The following CACNA1B variants were observed in gnomAD, a reference collection of about 807,000 sequenced individuals.
CACNA1B encodes the protein voltage-dependent N-type calcium channel subunit alpha-1B.
In CACNA1B, 70 loss-of-function variants were observed where a neutral mutation model predicts 247.2. The ratio of observed to expected loss-of-function variants is 0.28; its 90% CI spans 0.23 to 0.35. The LOEUF is 0.35. Among genes scored for constraint, CACNA1B ranks in the 10% least tolerant of loss-of-function variants. The pLI is 1.00. For synonymous variants in CACNA1B, 1,231 were observed against 1,294.4 expected, an observed-to-expected ratio of 0.95 and a Z score of 1.05; for missense variants, 2,367 against 3,197.4, an observed-to-expected ratio of 0.74 and a Z score of 6.26.
At chr9:137,978,595 AG>A (rs1240283523) in intron 12 of CACNA1B, among the ~76,000 whole-genome samples, 2 of 152,226 alleles carry the variant, frequency 1.3e-5, no homozygotes, top group Non-Finnish European at 2.9e-5. Context: ...CAGAGTTTAC[AG>A]GAGCCAGAGA....
At chr9:138,104,285 G>A (rs1961350766) in intron 38 of CACNA1B, among the ~76,000 whole-genome samples, 2 of 152,210 alleles carry the variant, frequency 1.3e-5, no homozygotes, top group Admixed American at 1.3e-4. Context: ...GTGGGCTGAT[G>A]GCACCCCTGG....
chr9:138,048,054 T>C (rs760236499), intron 23 of CACNA1B, among the ~76,000 whole-genome samples: 1 of 152,160 alleles, frequency 6.6e-6, no homozygotes, highest in Non-Finnish European at 1.5e-5. Flanking sequence ...TCCGTGCAGC[T>C]TAGGGTATGT....
At chr9:138,085,530 C>T (rs1449120816) in intron 36 of CACNA1B, among the ~76,000 whole-genome samples, 1 of 151,100 alleles carries the variant, frequency 6.6e-6, no homozygotes, top group Non-Finnish European at 1.5e-5. Context: ...ATCCAAGAAG[C>T]TCAACAGTCC....
rs909648547 is a variant in CACNA1B, at chr9:137,974,042, C to T, written c.1544-1865C>T. On this transcript the variant is annotated intron_variant, in intron 11 of 46. Coordinates refer to ENST00000371372, the MANE Select transcript of CACNA1B (RefSeq NM_000718.4). The surrounding 1 kb of genome is among the most constrained non-coding windows in gnomAD (Gnocchi z 4.5). ...GTCCGAGCCCCTCGTGTGGGGAGCC[C>T]GAGGCCTTTGTGACCCACGCAGAGG... Among the ~76,000 whole-genome samples, 5 of 152,128 alleles carry T rather than the reference C, an allele frequency of 3.3e-5. No homozygotes were observed. Among genetic ancestry groups the T allele is most frequent in the South Asian group, 2.1e-4 (1 of 4,826 alleles).
Position 138,046,573 on chromosome 9 carries a change from G to T in CACNA1B, c.3414-331G>T, listed in dbSNP as rs1959187507. ...GTTGGCTGCATGGACAGTTGGTAGT[G>T]AATGGATGTAGCTGTACTCCAGTGA... On this transcript the variant is annotated intron_variant, in intron 21 of 46. Coordinates refer to ENST00000371372, the MANE Select transcript of CACNA1B (RefSeq NM_000718.4). Among the ~76,000 whole-genome samples the T allele has an allele frequency of 2.0e-5, 3 of 152,252 alleles. No individual in the cohort carries two copies. In the South Asian group the frequency reaches 6.2e-4, roughly 31 times the overall value.
In CACNA1B at chr9:138,050,232, C is replaced by G; in HGVS notation, c.3710+917C>G. 1 of 544,894 alleles carries G rather than the reference C, an allele frequency of 1.8e-6. No individual in the cohort carries two copies. Among genetic ancestry groups the G allele is most frequent in the South Asian group, 1.6e-5 (1 of 62,398 alleles). 33.8% of individuals were successfully genotyped at this position (544,894 alleles called of 1,614,324 possible). The stretch of plus-strand genomic sequence containing the variant: ...ATGCTGCCGGGAGCCAAGTCCCCGG[C>G]CAGGGGTTCCTGCCATGCCTCTGGG... On this transcript the variant is annotated intron_variant, in intron 24 of 46. Transcript: ENST00000371372. The surrounding 1 kb of genome is among the most constrained non-coding windows in gnomAD (Gnocchi z 5.2).
At chr9:138,107,979 T>G (rs1470961822) in intron 39 of CACNA1B, among the ~76,000 whole-genome samples, 2 of 147,190 alleles carry the variant, frequency 1.4e-5, no homozygotes, top group Non-Finnish European at 3.0e-5. Flanking sequence ...AGTGAGACTC[T>G]GTCTCAAAAA....
intron 19 of CACNA1B, among the ~76,000 whole-genome samples, 196 bp downstream of exon 19, chr9:138,024,007 C>G (rs1375187371): frequency 6.6e-6 from 1 of 152,160 alleles, no homozygotes; most frequent in Non-Finnish European, 1.5e-5. Context: ...CAGGGTTGAC[C>G]TGTAAAAGGC....
chr9:137,986,299 G>T lies in CACNA1B; in HGVS notation c.1770-114G>T, dbSNP rs902302719. On this transcript the variant is annotated intron_variant, in intron 13 of 46. Transcript: ENST00000371372. This position sits in a 1 kb window ranked among gnomAD's most constrained non-coding sequence, Gnocchi z 6.0. ...AGAAAAGCTCTAACTTCACACCTAG[G>T]TGTGCAGCCCTCAGGGTTTAGAAAG... 2.6e-6 allele frequency: 3 copies of T among 1,139,142 alleles called. No individual in the cohort carries two copies. Among genetic ancestry groups the T allele is most frequent in the African/African-American group, 1.5e-5 (1 of 64,914 alleles). The allele number at this position is 1,139,142 out of a possible 1,614,324, so 70.6% of individuals were successfully genotyped here.
rs1018706593 is a variant in CACNA1B at position 138,051,036 on chromosome 9, G to A, written c.3711-1056G>A. Among the ~76,000 whole-genome samples the A allele has an allele frequency of 2.0e-5, 3 of 152,134 alleles. No individual in the cohort carries two copies. The highest frequency in any genetic ancestry group is 1.3e-4 in the Admixed American group (2 of 15,278). On this transcript the variant is annotated intron_variant, in intron 24 of 46. Transcript: ENST00000371372. This position sits in a 1 kb window ranked among gnomAD's most constrained non-coding sequence, Gnocchi z 4.3. ...CCTTCCCCAGGGAGCGTGGTGGGAC[G>A]TGGCCTCTGAGCAGGGTGGGAAGGG...
Position 137,973,060 on chromosome 9 carries a change from G to A in CACNA1B, c.1543+1468G>A, listed in dbSNP as rs771660224. ...CCAGTGACTAGGCCTGTTCTTCCCC[G>A]TGAGAGGCTGTTGGTGTGCAGTGAG... On this transcript the variant is annotated intron_variant, in intron 11 of 46. Coordinates refer to ENST00000371372, the MANE Select transcript of CACNA1B (RefSeq NM_000718.4). The surrounding 1 kb of genome is among the most constrained non-coding windows in gnomAD (Gnocchi z 4.1). 1.3e-5 allele frequency among the ~76,000 whole-genome samples: 2 copies of A among 152,202 alleles called. No homozygotes were observed. The highest frequency in any genetic ancestry group is 1.9e-4 in the East Asian group (1 of 5,192).
chr9:138,030,381 T>C (rs564488547), intron 20 of CACNA1B, among the ~76,000 whole-genome samples: 5 of 152,280 alleles, frequency 3.3e-5, no homozygotes, highest in African/African-American at 1.2e-4. Flanking sequence ...TGTTATATGG[T>C]ATTTTATATT....
Position 138,020,213 on chromosome 9 carries a change from C to T in CACNA1B, c.2268-2798C>T, listed in dbSNP as rs1006117218. Among the ~76,000 whole-genome samples, 1 of 152,098 alleles carries T rather than the reference C, an allele frequency of 6.6e-6. No individual in the cohort carries two copies. The highest frequency in any genetic ancestry group is 1.5e-5 in the Non-Finnish European group (1 of 68,026). On this transcript the variant is annotated intron_variant, in intron 18 of 46. Transcript: ENST00000371372. This position sits in a 1 kb window ranked among gnomAD's most constrained non-coding sequence, Gnocchi z 4.1. ...GAGCCCAGAGACCTCAAAGCAGGGCCACAGAGCGCCTTGAGGCCACTTCCA... is the reference window on the plus strand; with the variant it reads ...GAGCCCAGAGACCTCAAAGCAGGGCTACAGAGCGCCTTGAGGCCACTTCCA...
intron 6 of CACNA1B, among the ~76,000 whole-genome samples, chr9:137,930,282 G>A (rs1028044901): frequency 6.6e-6 from 1 of 152,188 alleles, no homozygotes; most frequent in African/African-American, 2.4e-5. Flanking sequence ...GCAATTTGAT[G>A]TGTTGTCTCT....
chr9:138,076,853 C>A (rs1032219812), intron 35 of CACNA1B, among the ~76,000 whole-genome samples: 2 of 152,224 alleles, frequency 1.3e-5, no homozygotes, highest in African/African-American at 2.4e-5. Context: ...CAGACCCAGA[C>A]CTGCTTTGCT....
At chr9:137,923,953 CA>C (rs1412212540) in intron 6 of CACNA1B, among the ~76,000 whole-genome samples, 1 of 152,206 alleles carries the variant, frequency 6.6e-6, no homozygotes, top group Non-Finnish European at 1.5e-5. Context: ...AACGTCTCTT[CA>C]CATCTTTTGC....
chr9:138,057,182 C>A lies in CACNA1B; in HGVS notation c.3969-550C>A, dbSNP rs1959539675. 2.0e-5 allele frequency among the ~76,000 whole-genome samples: 3 copies of A among 152,118 alleles called. No individual in the cohort carries two copies. The South Asian group carries it at 6.2e-4, about 32-fold the overall frequency. On this transcript the variant is annotated intron_variant, in intron 26 of 46. Transcript: ENST00000371372. The surrounding 1 kb of genome is among the most constrained non-coding windows in gnomAD (Gnocchi z 4.0). ...TCCATCTCCTGACCTCGTGATCCGC[C>A]CGCCTCGGCCTCCCAAAGTGCTGGG...
intron 10 of CACNA1B, among the ~76,000 whole-genome samples, chr9:137,969,444 G>A (rs1427245431): frequency 6.6e-6 from 1 of 152,184 alleles, no homozygotes; most frequent in Non-Finnish European, 1.5e-5. Flanking sequence ...CATTGTGAAA[G>A]GGCAGCATTT....
In CACNA1B at chr9:137,957,288, C is replaced by T. The variant is rs1957960464; in HGVS notation, c.1244-310C>T. 6.6e-6 allele frequency among the ~76,000 whole-genome samples: 1 copy of T among 152,250 alleles called. No homozygotes were observed. Among genetic ancestry groups the T allele is most frequent in the African/African-American group, 2.4e-5 (1 of 41,474 alleles). On this transcript the variant is annotated intron_variant, in intron 9 of 46. Transcript: ENST00000371372. The surrounding 1 kb of genome is among the most constrained non-coding windows in gnomAD (Gnocchi z 4.7). ...GGCTCTGAGCAGGTCTATGCTGTCCCTGTTGTAGTCCTGGCCTTGCCCCAG... is the reference window on the plus strand; with the variant it reads ...GGCTCTGAGCAGGTCTATGCTGTCCTTGTTGTAGTCCTGGCCTTGCCCCAG...
Sources: allele counts gnomAD v4.1 joint callset (sites outside exome capture counted in the v4.1 genomes callset), GRCh38; gene constraint gnomAD v4.1.1; non-coding constraint Gnocchi (gnomAD v3.1); transcripts MANE v1.5; gene names NCBI Gene and HGNC (gene_info 2026-07-23, HGNC 2026-07-21).